The following OSBPL10 variants were observed in gnomAD, a reference collection of about 807,000 sequenced individuals.
OSBPL10 encodes the protein oxysterol-binding protein-related protein 10.
A neutral mutation model predicts 81.7 loss-of-function variants in OSBPL10; 49 were observed. The observed-to-expected ratio is 0.60, with a 90% CI of 0.48 to 0.76. The LOEUF (loss-of-function observed/expected upper bound fraction) is 0.76. Ranked by LOEUF, OSBPL10 falls within the 30% of genes least tolerant of loss-of-function variation. OSBPL10 has a pLI of 0.00. For synonymous variants in OSBPL10, 419 were observed against 383.6 expected (o/e 1.09, Z -1.08); for missense variants, 923 against 987.8 (o/e 0.93, Z 0.88).
In OSBPL10 at chr3:31,660,894, A is replaced by G. The variant is rs1700061115; in HGVS notation, c.*1178T>C. On this transcript the variant is annotated 3_prime_UTR_variant, in exon 12 of 12. Transcript: ENST00000396556. ...ACAACTGGTCTTAAGAAAGCAGACA[A>G]AAGGCACAAAATTAGTATTACTACA... 2 of 152,384 alleles carry G rather than the reference A, an allele frequency of 1.3e-5. No homozygotes were observed. The highest frequency in any genetic ancestry group is 4.8e-5 in the African/African-American group (2 of 41,454). 9.4% of individuals were successfully genotyped at this position (152,384 alleles called of 1,614,324 possible).
At chr3:31,999,572 G>A (rs377738619) in intron 2 of OSBPL10, among the ~76,000 whole-genome samples, 1 of 151,860 alleles carries the variant, frequency 6.6e-6, no homozygotes, top group South Asian at 2.1e-4. Flanking sequence ...GTTTTTTTAG[G>A]CTGGTCTCGA....
intron 4 of OSBPL10, among the ~76,000 whole-genome samples, chr3:31,812,743 AAAGAAAGAAAG>A (rs1559476167): frequency 5.0e-4 from 13 of 25,966 alleles, no homozygotes; most frequent in African/African-American, 2.0e-3. Flanking sequence ...AGAAAGAAAG[AAAGAAAGAAAG>A]AAAGAAAGAA....
intron 3 of OSBPL10, among the ~76,000 whole-genome samples, chr3:31,837,375 A>ATATATATATAT (rs1700385712): frequency 9.3e-5 from 3 of 32,244 alleles, no homozygotes; most frequent in Non-Finnish European, 2.4e-4. Flanking sequence ...ATATATATAT[A>ATATATATATAT]GTAAGTAACA....
At chr3:31,920,483 A>G (rs544156771) in intron 1 of OSBPL10, among the ~76,000 whole-genome samples, 2 of 152,224 alleles carry the variant, frequency 1.3e-5, no homozygotes, top group Non-Finnish European at 2.9e-5. Context: ...CAAAAGGAAC[A>G]GCACATAAGA....
intron 3 of OSBPL10, among the ~76,000 whole-genome samples, chr3:31,862,512 G>C (rs1701082166): frequency 6.6e-6 from 1 of 151,862 alleles, no homozygotes; most frequent in Non-Finnish European, 1.5e-5. Flanking sequence ...AAAACAAAAA[G>C]AATGGGAGCT....
intron 2 of OSBPL10, among the ~76,000 whole-genome samples, chr3:32,012,121 A>C (rs1315237400): frequency 6.6e-6 from 1 of 152,206 alleles, no homozygotes; most frequent in Non-Finnish European, 1.5e-5. Context: ...TGGGAAGAGC[A>C]ACTCCAAGAC....
chr3:31,912,396 G>GAA (rs11402856), intron 1 of OSBPL10, among the ~76,000 whole-genome samples: 56,346 of 142,566 alleles, frequency 0.4, 11,411 homozygotes, highest in East Asian at 0.64. Context: ...CTCTGTCTCG[G>GAA]AAAAAAAAAA....
At chr3:31,741,547 G>C (rs554454016) in intron 5 of OSBPL10, among the ~76,000 whole-genome samples, 10 of 152,234 alleles carry the variant, frequency 6.6e-5, no homozygotes, top group African/African-American at 2.4e-4. Context: ...ACAGGCGTGA[G>C]CCACTGTGCC....
intron 6 of OSBPL10, among the ~76,000 whole-genome samples, chr3:31,704,410 T>C (rs1695994867): frequency 6.6e-6 from 1 of 152,202 alleles, no homozygotes; most frequent in Non-Finnish European, 1.5e-5. Flanking sequence ...GCAGAATTCC[T>C]CTCATGCCAG....
chr3:32,036,806 G>A (rs75240092), intron 2 of OSBPL10, among the ~76,000 whole-genome samples: 2 of 145,256 alleles, frequency 1.4e-5, no homozygotes, highest in Non-Finnish European at 3.0e-5. Flanking sequence ...CTGGGCAACA[G>A]AGTGAGACTC....
chr3:31,676,094 T>C (rs1440278212), intron 8 of OSBPL10, among the ~76,000 whole-genome samples: 1 of 152,070 alleles, frequency 6.6e-6, no homozygotes, highest in Non-Finnish European at 1.5e-5. Flanking sequence ...GAAAAATCTC[T>C]TCCAAATCAA....
chr3:31,743,900 T>C (rs1697436705), intron 5 of OSBPL10, among the ~76,000 whole-genome samples: 2 of 152,212 alleles, frequency 1.3e-5, no homozygotes, highest in Admixed American at 6.5e-5. Flanking sequence ...ATAGCAACTA[T>C]CAACCCTGAG....
intron 1 of OSBPL10, among the ~76,000 whole-genome samples, chr3:31,951,608 A>T (rs773685705): frequency 4.0e-5 from 6 of 151,702 alleles, no homozygotes; most frequent in Non-Finnish European, 7.4e-5. Flanking sequence ...ATTCTTTAAT[A>T]TAAATCAATT....
At chr3:31,873,412 G>A (rs1391638773) in intron 3 of OSBPL10, among the ~76,000 whole-genome samples, 1 of 152,106 alleles carries the variant, frequency 6.6e-6, no homozygotes, top group Non-Finnish European at 1.5e-5. Flanking sequence ...ACTTCATCAG[G>A]TAGTGACTAA....
At chr3:31,974,099 G>C (rs556588727) in intron 1 of OSBPL10, among the ~76,000 whole-genome samples, 4 of 152,144 alleles carry the variant, frequency 2.6e-5, no homozygotes, top group Non-Finnish European at 5.9e-5. Context: ...AGAAGAAAAA[G>C]GCAGACACCC....
intron 2 of OSBPL10, among the ~76,000 whole-genome samples, chr3:32,028,983 CA>C: frequency 6.7e-6 from 1 of 149,080 alleles, no homozygotes; most frequent in Non-Finnish European, 1.5e-5. Context: ...CACACACACA[CA>C]CACACCAGGA....
At chr3:31,837,333 A>T (rs1700380491) in intron 3 of OSBPL10, among the ~76,000 whole-genome samples, 1 of 17,494 alleles carries the variant, frequency 5.7e-5, no homozygotes, top group Non-Finnish European at 1.1e-4. Context: ...ATATATATAT[A>T]TATATATATA....
intron 11 of OSBPL10, chr3:31,663,674 A>G: frequency 9.2e-7 from 1 of 1,083,022 alleles, no homozygotes; most frequent in East Asian, 7.4e-5. Flanking sequence ...GCTCCAGCCC[A>G]CCCAGGTGTT....
intron 1 of OSBPL10, among the ~76,000 whole-genome samples, chr3:31,957,632 T>G (rs773699872): frequency 9.2e-5 from 14 of 152,014 alleles, no homozygotes; most frequent in Admixed American, 2.6e-4. Context: ...GGTTTGTTTT[T>G]GTTTGTTTGT....
Sources: gnomAD v4.1 joint callset for allele counts (sites outside exome capture counted in the v4.1 genomes callset) on GRCh38, gnomAD v4.1.1 for gene constraint, MANE v1.5 for transcripts, NCBI Gene and HGNC (gene_info 2026-07-23, HGNC 2026-07-21) for gene names.